Variants in PRKAR1A observed in about 807,000 individuals in gnomAD.
The protein encoded by PRKAR1A is protein kinase cAMP-dependent type I regulatory subunit alpha, also known as cAMP-dependent protein kinase type I-alpha regulatory subunit.
In PRKAR1A, 3 loss-of-function variants were observed where a neutral mutation model predicts 52.0. That is an observed-to-expected ratio of 0.06 (90% CI 0.03 to 0.15). PRKAR1A has a LOEUF of 0.15. Ranked by LOEUF, PRKAR1A falls within the 10% of genes least tolerant of loss-of-function variation. The probability of loss-of-function intolerance (pLI) is 1.00; values close to 1 mark genes in which losing one functional copy is unlikely to be tolerated. For synonymous variants in PRKAR1A, 188 were observed against 168.4 expected (o/e 1.12, Z -0.90); for missense variants, 240 against 477.4 (o/e 0.50, Z 4.63).
chr17:68,542,242 A>C, intron 11 of PRKAR1A: 1 of 1,505,866 alleles, frequency 6.6e-7, no homozygotes, highest in Non-Finnish European at 9.2e-7. Context: ...TAGGAAATCC[A>C]CTGGGAGGGA....
chr17:68,431,462 C>A, the PRKAR1A span, among the ~76,000 whole-genome samples: 2 of 151,990 alleles, frequency 1.3e-5, no homozygotes, highest in African/African-American at 2.4e-5. Flanking sequence ...GGCTGCTGGG[C>A]TCTGCAGCAG....
rs753621663 is a variant in PRKAR1A, at chr17:68,527,893, T to C, written c.762T>C (p.Ser254=). 13 of 1,610,192 alleles carry C rather than the reference T, an allele frequency of 8.1e-6. No homozygotes were observed. The highest frequency in any genetic ancestry group is 1.1e-5 in the Non-Finnish European group (13 of 1,176,722). ...KMYEEFLSKV[S]ILESLDKWER... Reference sequence around the variant, plus strand: ...ATGAGGAATTCCTTAGTAAAGTCTCTATTTTAGGTGAGTTGTAAAGTGTGT... The same window carrying C: ...ATGAGGAATTCCTTAGTAAAGTCTCCATTTTAGGTGAGTTGTAAAGTGTGT... Residue 254 remains serine, a synonymous_variant, in exon 8 of 11, where the codon TCT becomes TCC. Coordinates refer to ENST00000589228, the MANE Select transcript of PRKAR1A (RefSeq NM_002734.5).
At chr17:68,514,276 C>CT (rs1355289316) in intron 1 of PRKAR1A, among the ~76,000 whole-genome samples, 1 of 152,090 alleles carries the variant, frequency 6.6e-6, no homozygotes, top group Non-Finnish European at 1.5e-5. Flanking sequence ...TCTATAAGTT[C>CT]TTTTAAATTT....
Position 68,530,849 on chromosome 17 carries a change from C to G in PRKAR1A, c.*400C>G, listed in dbSNP as rs371267542. 5.0e-5 allele frequency: 59 copies of G among 1,178,750 alleles called. No homozygotes were observed. In the African/African-American group the frequency reaches 8.0e-4, roughly 16 times the overall value. The allele number at this position is 1,178,750 out of a possible 1,614,324, so 73.0% of individuals were successfully genotyped here. A position where few individuals can be genotyped will look rare whatever the true frequency, so the allele number is the denominator to read the frequency against. ...AGTTATAAGCGTATTTAGACTGTGGCCATATATGCTGTATTTCTTTGTAGA... is the reference window on the plus strand; with the variant it reads ...AGTTATAAGCGTATTTAGACTGTGGGCATATATGCTGTATTTCTTTGTAGA... On this transcript the variant is annotated 3_prime_UTR_variant, in exon 11 of 11. Coordinates refer to ENST00000589228, the MANE Select transcript of PRKAR1A (RefSeq NM_002734.5).
At chr17:68,542,497 A>G (rs1203259806) in intron 11 of PRKAR1A, among the ~76,000 whole-genome samples, 5 of 152,054 alleles carry the variant, frequency 3.3e-5, no homozygotes, top group Non-Finnish European at 7.4e-5. Flanking sequence ...TAGCATCTCA[A>G]ACACAACCTT....
At chr17:68,432,255 T>G in the PRKAR1A span, among the ~76,000 whole-genome samples, 2 of 152,176 alleles carry the variant, frequency 1.3e-5, no homozygotes, top group South Asian at 4.1e-4. Context: ...GGGACGTCAG[T>G]CCCATGGCTG....
intron 1 of PRKAR1A, among the ~76,000 whole-genome samples, chr17:68,513,630 AT>A (rs1232825038): frequency 6.6e-6 from 1 of 152,220 alleles, no homozygotes; most frequent in Non-Finnish European, 1.5e-5. Flanking sequence ...GGCTTTACAA[AT>A]AAGTACACAT....
chr17:68,459,923 C>A, the PRKAR1A span, among the ~76,000 whole-genome samples: 66 of 151,434 alleles, frequency 4.4e-4, no homozygotes, highest in Non-Finnish European at 5.4e-4. Flanking sequence ...CGGGTTCAAG[C>A]GATTCTCCTG....
the PRKAR1A span, chr17:68,428,160 A>C: frequency 6.6e-6 from 1 of 151,894 alleles, no homozygotes; most frequent in Non-Finnish European, 1.5e-5. Context: ...GGCCTCCCAA[A>C]GTATTGGGAT....
chr17:68,475,751 C>T, the PRKAR1A span, among the ~76,000 whole-genome samples: 1,942 of 152,260 alleles, frequency 0.013, 47 homozygotes, highest in African/African-American at 0.043. Context: ...TGAGCCACCG[C>T]GCCCAGCCCA....
the PRKAR1A span, among the ~76,000 whole-genome samples, chr17:68,418,269 T>C: frequency 6.6e-6 from 1 of 152,212 alleles, no homozygotes; most frequent in Non-Finnish European, 1.5e-5. Context: ...TTATAAAGCC[T>C]TAGTTTTACA....
At chr17:68,541,771 A>G (rs972757152) in intron 11 of PRKAR1A, 42 of 533,270 alleles carry the variant, frequency 7.9e-5, no homozygotes, top group Non-Finnish European at 5.3e-5. Context: ...CATAACACCT[A>G]GTGTTGGGTA....
chr17:68,548,725 ATT>A (rs753348891), intron 11 of PRKAR1A, among the ~76,000 whole-genome samples: 1,564 of 79,052 alleles, frequency 0.02, 20 homozygotes, highest in African/African-American at 0.083. Flanking sequence ...ATGCCTGTAT[ATT>A]TTTTTTTTTT....
chr17:68,491,095 T>TTTC, the PRKAR1A span, among the ~76,000 whole-genome samples: 34,896 of 135,626 alleles, frequency 0.26, 4,260 homozygotes, highest in East Asian at 0.51. Context: ...TCTTTCTTTC[T>TTTC]TTTTTTTTTT....
At chr17:68,448,287 C>T in the PRKAR1A span, 1 of 152,148 alleles carries the variant, frequency 6.6e-6, no homozygotes, top group Admixed American at 6.6e-5. Context: ...AAAAGCAAAC[C>T]CCCAATACTT....
downstream of PRKAR1A, among the ~76,000 whole-genome samples, chr17:68,537,981 T>A (rs2086144479): frequency 6.6e-6 from 1 of 152,198 alleles, no homozygotes; most frequent in Non-Finnish European, 1.5e-5. The surrounding 1 kb of genome is among the most constrained non-coding windows in gnomAD (Gnocchi z 4.2). Context: ...ATTTGTGCTC[T>A]AATAATGGTG....
the PRKAR1A span, among the ~76,000 whole-genome samples, chr17:68,486,506 C>CTTCCTTCCTTCT: frequency 1.3e-3 from 63 of 48,210 alleles, no homozygotes; most frequent in African/African-American, 2.6e-3. Flanking sequence ...TCCTTCCTTC[C>CTTCCTTCCTTCT]TTCTTTCTTT....
downstream of PRKAR1A, among the ~76,000 whole-genome samples, chr17:68,537,960 C>T (rs574423125): frequency 1.3e-5 from 2 of 152,248 alleles, no homozygotes; most frequent in Admixed American, 1.3e-4. This position sits in a 1 kb window ranked among gnomAD's most constrained non-coding sequence, Gnocchi z 4.2. Context: ...TGGTCAAGAG[C>T]CTGCATAGCC....
At chr17:68,436,972 C>CTACA in the PRKAR1A span, among the ~76,000 whole-genome samples, 2 of 142,526 alleles carry the variant, frequency 1.4e-5, no homozygotes, top group African/African-American at 2.8e-5. Context: ...CCAGCCTGGG[C>CTACA]TACAGAGTGA....
Sources: allele counts gnomAD v4.1 joint callset (sites outside exome capture counted in the v4.1 genomes callset), GRCh38; gene constraint gnomAD v4.1.1; non-coding constraint Gnocchi (gnomAD v3.1); transcripts MANE v1.5; gene names NCBI Gene and HGNC (gene_info 2026-07-23, HGNC 2026-07-21).